LRRK2: variants seen among roughly 807,000 people sequenced by gnomAD.
LRRK2 encodes the protein leucine rich repeat kinase 2, also known as leucine-rich repeat serine/threonine-protein kinase 2.
Under a neutral mutation model 302.6 loss-of-function variants are expected in LRRK2, and 203 were observed. The ratio of observed to expected loss-of-function variants is 0.67; its 90% CI spans 0.60 to 0.75. LRRK2 has a LOEUF of 0.75. LRRK2 is among the 30% of genes least tolerant of loss of function. The pLI is 0.00. For synonymous variants in LRRK2, 1,066 were observed against 1,031.9 expected (o/e 1.03, Z -0.63); for missense variants, 2,830 against 2,951.0 (o/e 0.96, Z 0.95).
chr12:40,285,674 A>T (rs965330379), intron 19 of LRRK2, among the ~76,000 whole-genome samples: 1 of 152,106 alleles, frequency 6.6e-6, no homozygotes, highest in African/African-American at 2.4e-5. Flanking sequence ...AGTAGGAAAA[A>T]AACCTAAGTA....
chr12:40,275,692 C>T (rs563607140), intron 16 of LRRK2, among the ~76,000 whole-genome samples: 1 of 151,382 alleles, frequency 6.6e-6, no homozygotes, highest in East Asian at 1.9e-4. Context: ...CTCACTACAA[C>T]AGCTGCTTCC....
intron 14 of LRRK2, among the ~76,000 whole-genome samples, chr12:40,266,880 G>A (rs138600924): frequency 2.3e-4 from 34 of 150,624 alleles, no homozygotes; most frequent in African/African-American, 7.5e-4. Flanking sequence ...AGCAAAGTAT[G>A]CCAAGGACAA....
At chr12:40,225,425 G>T in intron 1 of LRRK2, 130 bp from the exon 2 acceptor site, 1 of 1,270,632 alleles carries the variant, frequency 7.9e-7, no homozygotes, top group Non-Finnish European at 1.1e-6. Flanking sequence ...CTTTCCTTAG[G>T]GCAGAAAGCA....
intron 14 of LRRK2, among the ~76,000 whole-genome samples, chr12:40,272,423 A>G (rs1373153570): frequency 6.6e-6 from 1 of 152,162 alleles, no homozygotes; most frequent in Non-Finnish European, 1.5e-5. Flanking sequence ...AATTTTTTTC[A>G]TCTGTACTTC....
chr12:40,349,332 T>A (rs1946286514), intron 43 of LRRK2, among the ~76,000 whole-genome samples: 1 of 152,208 alleles, frequency 6.6e-6, no homozygotes, highest in Non-Finnish European at 1.5e-5. Flanking sequence ...CTCTCCCTAT[T>A]TATTTTTCTC....
chr12:40,231,096 AT>A (rs1941157623), intron 2 of LRRK2, among the ~76,000 whole-genome samples: 1 of 152,042 alleles, frequency 6.6e-6, no homozygotes, highest in Non-Finnish European at 1.5e-5. Context: ...TCTTGCCTCT[AT>A]TATTCTAGCT....
At chr12:40,345,634 A>AG (rs199940714) in intron 41 of LRRK2, among the ~76,000 whole-genome samples, 8,817 of 148,674 alleles carry the variant, frequency 0.059, 427 homozygotes, top group Admixed American at 0.12. Context: ...AAAAAAAAAA[A>AG]AAAAAAAAAA....
chr12:40,298,247 T>C lies in LRRK2; in HGVS notation c.3101T>C (p.Leu1034Pro), dbSNP rs1252096437. 4 of 1,613,276 alleles carry C rather than the reference T, an allele frequency of 2.5e-6. No individual in the cohort carries two copies. Among genetic ancestry groups the C allele is most frequent in the Non-Finnish European group, 2.5e-6 (3 of 1,179,882 alleles). The change falls in exon 24 of 51, where the codon CTG becomes CCG. Residue 1034 changes from leucine (L) to proline (P), a missense_variant. Leu to Pro is a moderately conservative substitution (Grantham distance 98, BLOSUM62 -3). This residue lies in a region of LRRK2 where 2,121 missense variants were observed against 2,148.0 expected (regional missense o/e 0.99). Transcript: ENST00000298910. ...TSFPQQLCET[L>P]KSLTHLDLHS... ...TTTAAACTATTGTCTTTTCAGACTC[T>C]GAAGAGTTTGACACATTTGGACTTG...
chr12:40,361,478 T>C (rs1305354123), intron 47 of LRRK2, among the ~76,000 whole-genome samples: 1 of 152,098 alleles, frequency 6.6e-6, no homozygotes, highest in Non-Finnish European at 1.5e-5. Context: ...GCTTGATAGG[T>C]AGTTTTTCAT....
chr12:40,283,568 A>G (rs756967026), intron 18 of LRRK2, among the ~76,000 whole-genome samples: 1 of 152,200 alleles, frequency 6.6e-6, no homozygotes, highest in Non-Finnish European at 1.5e-5. Flanking sequence ...CAATGTGCAT[A>G]TTTGGTGGAG....
intron 44 of LRRK2, among the ~76,000 whole-genome samples, chr12:40,352,017 A>C (rs1034524912): frequency 6.6e-6 from 1 of 152,188 alleles, no homozygotes; most frequent in Non-Finnish European, 1.5e-5. Context: ...GCAGAGGAAA[A>C]AGCTCAGCAG....
At chr12:40,330,861 C>T (rs1299285786) in intron 39 of LRRK2, among the ~76,000 whole-genome samples, 1 of 152,154 alleles carries the variant, frequency 6.6e-6, no homozygotes, top group Non-Finnish European at 1.5e-5. Context: ...CTGTCTCTTA[C>T]AGGTTTCTAA....
chr12:40,231,793 T>TTA (rs199832313), intron 2 of LRRK2, among the ~76,000 whole-genome samples: 4,513 of 146,548 alleles, frequency 0.031, 189 homozygotes, highest in Admixed American at 0.11. Flanking sequence ...ATAAATTAAA[T>TTA]TATATATATA....
At chr12:40,246,013 T>A (rs1417539324) in intron 7 of LRRK2, among the ~76,000 whole-genome samples, 1 of 152,030 alleles carries the variant, frequency 6.6e-6, no homozygotes, top group Admixed American at 6.6e-5. Context: ...ATACTAGACA[T>A]CCTTGTCTTG....
chr12:40,267,574 T>C (rs1943070860), intron 14 of LRRK2, among the ~76,000 whole-genome samples: 1 of 152,144 alleles, frequency 6.6e-6, no homozygotes, highest in Non-Finnish European at 1.5e-5. Context: ...GTAAGTGCTG[T>C]GATGTGGAGA....
chr12:40,243,943 T>A (rs1398925368), intron 7 of LRRK2, among the ~76,000 whole-genome samples: 1 of 152,100 alleles, frequency 6.6e-6, no homozygotes, highest in Non-Finnish European at 1.5e-5. Flanking sequence ...TTAATCTTAT[T>A]TTTATAGATG....
At chr12:40,280,747 C>T (rs926829321) in intron 18 of LRRK2, among the ~76,000 whole-genome samples, 4 of 152,064 alleles carry the variant, frequency 2.6e-5, no homozygotes. Flanking sequence ...TGTACAGCAG[C>T]CTTGGTGACA....
chr12:40,293,367 GA>G (rs1944237900), intron 20 of LRRK2, among the ~76,000 whole-genome samples, 177 bp from the exon 21 acceptor site: 2 of 151,860 alleles, frequency 1.3e-5, no homozygotes, highest in African/African-American at 4.8e-5. Flanking sequence ...TTTTTAAAGT[GA>G]AAAACCAACA....
intron 43 of LRRK2, among the ~76,000 whole-genome samples, chr12:40,350,799 T>C (rs17491645): frequency 0.012 from 1,784 of 152,292 alleles, 38 homozygotes; most frequent in African/African-American, 0.041. Context: ...TGTTTTTCTT[T>C]CTTGTTTTTT....
Sources: allele counts gnomAD v4.1 joint callset (sites outside exome capture counted in the v4.1 genomes callset), GRCh38; gene constraint gnomAD v4.1.1; regional missense constraint gnomAD v4.1.1; transcripts MANE v1.5; gene names NCBI Gene and HGNC (gene_info 2026-07-23, HGNC 2026-07-21).